Variants in RFX7 observed in about 807,000 individuals in gnomAD.
The protein encoded by RFX7 is regulatory factor X7.
Under a neutral mutation model 111.8 loss-of-function variants are expected in RFX7, and 26 were observed. That is an observed-to-expected ratio of 0.23 (90% confidence interval 0.17 to 0.32). RFX7 has a LOEUF of 0.32. Among genes scored for constraint, RFX7 ranks in the 10% least tolerant of loss-of-function variants. The pLI, the probability that RFX7 is intolerant of heterozygous loss-of-function variation, is 1.00. For missense variants in RFX7, 1,573 were observed against 1,772.9 expected (o/e 0.89, Z 2.02); for synonymous variants, 624 against 624.4 (o/e 1.00, Z 0.01).
chr15:56,196,796 C>A lies in RFX7; in HGVS notation c.162-17493G>T, dbSNP rs140125298. ...ACGGTATTCCATTGCTTTATTTATTCTTTAATAATGGGCTCTTAACGGTAT... is the reference window on the plus strand; with the variant it reads ...ACGGTATTCCATTGCTTTATTTATTATTTAATAATGGGCTCTTAACGGTAT... On this transcript the variant is annotated intron_variant, in intron 2 of 9. Transcript: ENST00000559447. 2.1e-3 allele frequency among the ~76,000 whole-genome samples: 317 copies of A among 152,274 alleles called. 3 individuals are homozygous for A. The highest frequency in any genetic ancestry group is 7.3e-3 in the African/African-American group (304 of 41,544).
intron 2 of RFX7, among the ~76,000 whole-genome samples, chr15:56,191,444 GAT>G (rs1422170107): frequency 2.0e-5 from 3 of 152,100 alleles, no homozygotes; most frequent in Non-Finnish European, 2.9e-5. Context: ...CAGCTGGAAA[GAT>G]ATGCACAAAA....
chr15:56,164,547 G>A (rs2042761614), intron 3 of RFX7, among the ~76,000 whole-genome samples: 1 of 152,184 alleles, frequency 6.6e-6, no homozygotes, highest in African/African-American at 2.4e-5. Context: ...GTCCCAGATA[G>A]GATCCTGGTG....
chr15:56,203,838 T>A (rs1229609035), intron 2 of RFX7, among the ~76,000 whole-genome samples: 1 of 152,092 alleles, frequency 6.6e-6, no homozygotes, highest in South Asian at 2.1e-4. Flanking sequence ...TAACCACAAA[T>A]ATAGGCAACC....
intron 3 of RFX7, among the ~76,000 whole-genome samples, chr15:56,172,460 A>C (rs2042855674): frequency 6.6e-6 from 1 of 152,192 alleles, no homozygotes; most frequent in Admixed American, 6.6e-5. Flanking sequence ...AAGTAGGAGA[A>C]AGAGAATGAA....
chr15:56,138,716 G>C (rs1356561655), intron 5 of RFX7, among the ~76,000 whole-genome samples: 2 of 152,112 alleles, frequency 1.3e-5, no homozygotes, highest in Admixed American at 6.5e-5. Context: ...AGTCTTGATG[G>C]TCTTTACATT....
chr15:56,143,005 C>G, intron 4 of RFX7, 105 bp from the exon 5 acceptor site: 5 of 1,264,812 alleles, frequency 4.0e-6, no homozygotes, highest in Non-Finnish European at 5.5e-6. Context: ...AATACACTAT[C>G]AACGACCAAA....
At chr15:56,118,150 G>A (rs1198116078) in intron 5 of RFX7, among the ~76,000 whole-genome samples, 1 of 151,952 alleles carries the variant, frequency 6.6e-6, no homozygotes, top group Non-Finnish European at 1.5e-5. Context: ...GGTAAATGGG[G>A]TATCCATCAC....
intron 5 of RFX7, among the ~76,000 whole-genome samples, chr15:56,124,488 T>G (rs1386298520): frequency 1.3e-5 from 2 of 152,016 alleles, no homozygotes; most frequent in Non-Finnish European, 2.9e-5. Flanking sequence ...ACCAACAGTG[T>G]GTAAGTGTTC....
intron 5 of RFX7, among the ~76,000 whole-genome samples, chr15:56,117,229 C>T (rs538277614): frequency 6.6e-6 from 1 of 152,168 alleles, no homozygotes; most frequent in African/African-American, 2.4e-5. Flanking sequence ...TGAGCTAGAA[C>T]TAAGGGTCTA....
At chr15:56,099,922 T>C (rs1181160024) in intron 8 of RFX7, among the ~76,000 whole-genome samples, 1 of 152,184 alleles carries the variant, frequency 6.6e-6, no homozygotes, top group Non-Finnish European at 1.5e-5. Context: ...CAGTTAGACT[T>C]TGTGAATGAC....
intron 2 of RFX7, among the ~76,000 whole-genome samples, chr15:56,183,927 CTG>C (rs1261709389): frequency 6.6e-6 from 1 of 151,916 alleles, no homozygotes; most frequent in African/African-American, 2.4e-5. Flanking sequence ...TGAATTTTAT[CTG>C]TGTGTTGATG....
At chr15:56,156,250 C>A (rs1187729367) in intron 3 of RFX7, among the ~76,000 whole-genome samples, 2 of 152,106 alleles carry the variant, frequency 1.3e-5, no homozygotes, top group East Asian at 3.9e-4. Flanking sequence ...AAGACACAGC[C>A]AAATGGAAAC....
At chr15:56,209,449 T>C (rs1173033269) in intron 2 of RFX7, among the ~76,000 whole-genome samples, 1 of 151,924 alleles carries the variant, frequency 6.6e-6, no homozygotes, top group African/African-American at 2.4e-5. Flanking sequence ...AGAAGGAAAA[T>C]AATAAAGGTC....
intron 3 of RFX7, among the ~76,000 whole-genome samples, chr15:56,177,176 C>T (rs1202184080): frequency 6.6e-6 from 1 of 152,068 alleles, no homozygotes; most frequent in Non-Finnish European, 1.5e-5. Context: ...TTCCTTCTAC[C>T]TCATGTGTGT....
intron 5 of RFX7, among the ~76,000 whole-genome samples, chr15:56,113,779 A>G (rs897942223): frequency 2.0e-5 from 3 of 152,306 alleles, no homozygotes; most frequent in Admixed American, 6.5e-5. Context: ...TTCCATTAAA[A>G]GGACTCTTAA....
chr15:56,140,274 T>C (rs2042371863), intron 5 of RFX7, among the ~76,000 whole-genome samples: 1 of 152,214 alleles, frequency 6.6e-6, no homozygotes, highest in African/African-American at 2.4e-5. Flanking sequence ...TGAGACTCCA[T>C]GGGCGTAGGA....
At position 56,143,009 on chromosome 15, in the gene RFX7, G is replaced by A. The variant is rs183213083; in HGVS notation, c.279-109C>T. The A allele has an allele frequency of 1.0e-3, 1,197 of 1,189,252 alleles. 1 individual carries two copies. Among genetic ancestry groups the A allele is most frequent in the Non-Finnish European group, 1.2e-3 (1,001 of 850,620 alleles). The allele number at this position is 1,189,252 out of a possible 1,614,324, so 73.7% of individuals were successfully genotyped here. A position where few individuals can be genotyped will look rare whatever the true frequency, so the allele number is the denominator to read the frequency against. On this transcript the variant is annotated intron_variant, in intron 4 of 9. Coordinates refer to ENST00000559447, the MANE Select transcript of RFX7 (RefSeq NM_022841.7). ...AACTGTATACAAATACACTATCAAC[G>A]ACCAAACCAAACTTAGGACATCTAG... is the stretch of plus-strand genomic sequence containing the variant.
chr15:56,109,865 G>C (rs1187378182), intron 5 of RFX7, among the ~76,000 whole-genome samples: 1 of 151,892 alleles, frequency 6.6e-6, no homozygotes, highest in African/African-American at 2.4e-5. Flanking sequence ...ACCCCGTCTG[G>C]GAAGTGAGGA....
At position 56,093,978 on chromosome 15, in the gene RFX7, G is replaced by T. The variant is rs1299518867; in HGVS notation, c.3750C>A (p.Thr1250=). 3 of 1,613,780 alleles carry T rather than the reference G, an allele frequency of 1.9e-6. No individual in the cohort carries two copies. The highest frequency in any genetic ancestry group is 2.5e-6 in the Non-Finnish European group (3 of 1,179,872). ...AATCAAGTTTACTCAACAAAACATTGGTTATTTTTTTACTGTTTGCTTGCT... is the reference window on the plus strand; with the variant it reads ...AATCAAGTTTACTCAACAAAACATTTGTTATTTTTTTACTGTTTGCTTGCT... ...LQKQANSKKI[T]NVLLSKLDSD... The change falls in exon 10 of 10, where the codon ACC becomes ACA. Residue 1250 remains threonine, a synonymous_variant. Coordinates refer to ENST00000559447, the MANE Select transcript of RFX7 (RefSeq NM_022841.7).
Sources: allele counts gnomAD v4.1 joint callset (sites outside exome capture counted in the v4.1 genomes callset), GRCh38; gene constraint gnomAD v4.1.1; transcripts MANE v1.5; gene names NCBI Gene and HGNC (gene_info 2026-07-23, HGNC 2026-07-21).